CDH13: variants seen among roughly 807,000 people sequenced by gnomAD.
CDH13 encodes cadherin-13.
Under a neutral mutation model 63.8 loss-of-function variants are expected in CDH13, and 24 were observed. That is an observed-to-expected ratio of 0.38 (90% CI 0.27 to 0.53). The LOEUF (loss-of-function observed/expected upper bound fraction) is 0.53, where lower values mean the gene tolerates loss of function less well. Among genes scored for constraint, CDH13 ranks in the 20% least tolerant of loss-of-function variants. The pLI is 0.85. For synonymous variants in CDH13, 503 were observed against 355.3 expected, an observed-to-expected ratio of 1.42 and a Z score of -4.67; for missense variants, 1,049 against 903.1, an observed-to-expected ratio of 1.16 and a Z score of -2.07.
chr16:83,741,044 T>C (rs576860910), intron 10 of CDH13, among the ~76,000 whole-genome samples: 112 of 152,332 alleles, frequency 7.4e-4, no homozygotes, highest in African/African-American at 2.6e-3. Flanking sequence ...GAGACTGCTT[T>C]CTTTGGCTCT....
intron 3 of CDH13, among the ~76,000 whole-genome samples, chr16:83,088,177 A>C (rs974913821): frequency 2.0e-5 from 3 of 152,194 alleles, no homozygotes; most frequent in African/African-American, 7.2e-5. Context: ...AAAGCCTTCG[A>C]AATTCCTGCC....
intron 6 of CDH13, chr16:83,396,578 G>A (rs2091889952): frequency 6.6e-6 from 1 of 152,138 alleles, no homozygotes; most frequent in Admixed American, 6.5e-5. Flanking sequence ...GAAGGGTTAA[G>A]CTCTATGTTG....
At chr16:83,354,977 T>G (rs1329967466) in intron 6 of CDH13, among the ~76,000 whole-genome samples, 1 of 152,242 alleles carries the variant, frequency 6.6e-6, no homozygotes, top group Admixed American at 6.5e-5. Context: ...GGCAAAAGTA[T>G]GTAATACCTG....
At chr16:82,853,469 C>G (rs1403754640) in intron 1 of CDH13, among the ~76,000 whole-genome samples, 1 of 152,178 alleles carries the variant, frequency 6.6e-6, no homozygotes, top group East Asian at 1.9e-4. Context: ...ACTTAAGGCT[C>G]TTTACAATAA....
intron 4 of CDH13, among the ~76,000 whole-genome samples, chr16:83,134,537 G>C (rs1446200970): frequency 7.3e-6 from 1 of 136,298 alleles, no homozygotes; most frequent in African/African-American, 2.7e-5. Context: ...GTGGGGATGG[G>C]GTGGGGGGAG....
At chr16:83,158,008 G>A (rs1012799207) in intron 4 of CDH13, among the ~76,000 whole-genome samples, 19 of 152,174 alleles carry the variant, frequency 1.2e-4, no homozygotes, top group Admixed American at 8.5e-4. Flanking sequence ...CCCAACCAAT[G>A]CATGCCGTGA....
At chr16:82,763,826 G>A (rs1216045708) in intron 1 of CDH13, among the ~76,000 whole-genome samples, 1 of 152,146 alleles carries the variant, frequency 6.6e-6, no homozygotes, top group Non-Finnish European at 1.5e-5. Context: ...GGGACTATAG[G>A]TGCACACCAC....
At chr16:83,102,949 T>TC (rs2034566292) in intron 3 of CDH13, among the ~76,000 whole-genome samples, 1 of 45,322 alleles carries the variant, frequency 2.2e-5, no homozygotes, top group African/African-American at 7.7e-5. Flanking sequence ...TTTCTTTTTC[T>TC]TTTTTTTTTT....
At chr16:83,036,477 C>T (rs1916866830) in intron 3 of CDH13, among the ~76,000 whole-genome samples, 2 of 152,104 alleles carry the variant, frequency 1.3e-5, no homozygotes, top group African/African-American at 4.8e-5. Flanking sequence ...ACAGTAGGTT[C>T]TATTGGCTCA....
intron 1 of CDH13, among the ~76,000 whole-genome samples, chr16:82,815,010 GT>G (rs1221586810): frequency 6.6e-6 from 1 of 150,774 alleles, no homozygotes; most frequent in East Asian, 1.9e-4. Flanking sequence ...AAAACATTTT[GT>G]TTTTTTTTCT....
intron 4 of CDH13, among the ~76,000 whole-genome samples, chr16:83,130,218 C>G (rs1339374558): frequency 6.6e-6 from 1 of 152,180 alleles, no homozygotes; most frequent in African/African-American, 2.4e-5. Flanking sequence ...ATGTTGAATT[C>G]TTATGATAAC....
At chr16:82,762,947 C>T (rs889220174) in intron 1 of CDH13, among the ~76,000 whole-genome samples, 8 of 152,068 alleles carry the variant, frequency 5.3e-5, no homozygotes, top group African/African-American at 9.7e-5. Context: ...CTATGCTTTC[C>T]GGGAGGTACA....
chr16:83,300,299 T>A (rs921972209), intron 5 of CDH13, among the ~76,000 whole-genome samples: 1 of 152,262 alleles, frequency 6.6e-6, no homozygotes, highest in Non-Finnish European at 1.5e-5. Flanking sequence ...AACTTACTTT[T>A]AAGTTGAGTG....
At chr16:83,422,217 G>A (rs1350991407) in intron 6 of CDH13, among the ~76,000 whole-genome samples, 1 of 152,100 alleles carries the variant, frequency 6.6e-6, no homozygotes, top group Non-Finnish European at 1.5e-5. Context: ...TTCGTAAGTT[G>A]TACTGTATAA....
intron 1 of CDH13, among the ~76,000 whole-genome samples, chr16:82,679,400 A>C (rs553408158): frequency 6.6e-6 from 1 of 152,260 alleles, no homozygotes; most frequent in Non-Finnish European, 1.5e-5. Flanking sequence ...AATCTAGTTT[A>C]CCTATGGACT....
chr16:82,664,148 A>C (rs952005009), intron 1 of CDH13, among the ~76,000 whole-genome samples: 1 of 152,272 alleles, frequency 6.6e-6, no homozygotes, highest in Non-Finnish European at 1.5e-5. Flanking sequence ...TGCTCAGCAC[A>C]TAGTAAGCGC....
At chr16:83,007,224 A>T (rs184562972) in intron 2 of CDH13, among the ~76,000 whole-genome samples, 3 of 152,302 alleles carry the variant, frequency 2.0e-5, no homozygotes, top group South Asian at 4.1e-4. Flanking sequence ...GCCCAGCATG[A>T]TGACTTAAAT....
At chr16:83,294,434 A>G (rs1022846265) in intron 5 of CDH13, among the ~76,000 whole-genome samples, 2 of 151,812 alleles carry the variant, frequency 1.3e-5, no homozygotes, top group Non-Finnish European at 2.9e-5. Flanking sequence ...CCACCATTCT[A>G]CTCACTACTT....
intron 1 of CDH13, among the ~76,000 whole-genome samples, chr16:82,640,917 A>G (rs1909318694): frequency 6.6e-6 from 1 of 152,260 alleles, no homozygotes; most frequent in Admixed American, 6.5e-5. Flanking sequence ...TCTTGGGGTT[A>G]AACACGCTCT....
Sources: gnomAD v4.1 joint callset for allele counts (sites outside exome capture counted in the v4.1 genomes callset) on GRCh38, gnomAD v4.1.1 for gene constraint, MANE v1.5 for transcripts, NCBI Gene and HGNC (gene_info 2026-07-23, HGNC 2026-07-21) for gene names.